ADAMTS6: variants seen among roughly 807,000 people sequenced by gnomAD.
ADAMTS6 encodes the protein A disintegrin and metalloproteinase with thrombospondin motifs 6.
Under a neutral mutation model 144.3 loss-of-function variants are expected in ADAMTS6, and 23 were observed. The ratio of observed to expected loss-of-function variants is 0.16; its 90% CI spans 0.11 to 0.23. The LOEUF (loss-of-function observed/expected upper bound fraction) is 0.23, where lower values mean the gene tolerates loss of function less well. Ranked by LOEUF, ADAMTS6 falls within the 10% of genes least tolerant of loss-of-function variation. The pLI, the probability that ADAMTS6 is intolerant of heterozygous loss-of-function variation, is 1.00. For missense variants in ADAMTS6, 999 were observed against 1,379.6 expected (o/e 0.72, Z 4.37); for synonymous variants, 444 against 457.5 (o/e 0.97, Z 0.38).
chr5:65,416,375 A>G (rs149406155), intron 7 of ADAMTS6, among the ~76,000 whole-genome samples: 108 of 152,320 alleles, frequency 7.1e-4, no homozygotes, highest in African/African-American at 2.5e-3. Flanking sequence ...TTTGGAAAAT[A>G]ATTTTTAAGT....
intron 7 of ADAMTS6, among the ~76,000 whole-genome samples, chr5:65,405,157 CCAATTGT>C (rs2150171590): frequency 6.6e-6 from 1 of 152,232 alleles, no homozygotes; most frequent in East Asian, 1.9e-4. Flanking sequence ...TAATTAGATC[CCAATTGT>C]CAATTTTGGC....
chr5:65,223,020 A>G (rs1278512906), intron 18 of ADAMTS6, among the ~76,000 whole-genome samples: 1 of 152,104 alleles, frequency 6.6e-6, no homozygotes, highest in Non-Finnish European at 1.5e-5. Context: ...AATGGGTAAA[A>G]TATTTGTGTA....
intron 11 of ADAMTS6, among the ~76,000 whole-genome samples, chr5:65,285,191 C>T (rs1031062746): frequency 2.6e-5 from 4 of 152,118 alleles, no homozygotes; most frequent in Non-Finnish European, 5.9e-5. Context: ...TGGCATCTTG[C>T]TGCTTTTAAG....
At chr5:65,256,190 AT>A (rs1760644119) in intron 14 of ADAMTS6, among the ~76,000 whole-genome samples, 1 of 152,220 alleles carries the variant, frequency 6.6e-6, no homozygotes, top group Non-Finnish European at 1.5e-5. Flanking sequence ...TAAACTTAGA[AT>A]TTCTGTTCTT....
intron 1 of ADAMTS6, among the ~76,000 whole-genome samples, chr5:65,480,042 T>C (rs1297920254): frequency 6.6e-6 from 1 of 152,180 alleles, no homozygotes; most frequent in Admixed American, 6.5e-5. Flanking sequence ...AAAACAATTA[T>C]CTCCAAAATT....
At chr5:65,221,706 C>A (rs1757334065) in intron 18 of ADAMTS6, among the ~76,000 whole-genome samples, 1 of 152,040 alleles carries the variant, frequency 6.6e-6, no homozygotes, top group South Asian at 2.1e-4. Context: ...GTAAAAGTGC[C>A]TTTGTTCGAG....
chr5:65,334,404 T>TA (rs1433060681), intron 7 of ADAMTS6, among the ~76,000 whole-genome samples: 5 of 152,232 alleles, frequency 3.3e-5, no homozygotes, highest in African/African-American at 1.2e-4. Context: ...TGCAGACTGT[T>TA]ACTACTTCTG....
Position 65,226,170 on chromosome 5 carries a change from G to C in ADAMTS6, c.1983C>G (p.Phe661Leu), listed in dbSNP as rs1298379841. Residue 661 changes from phenylalanine to leucine, a missense_variant, in exon 16 of 25, where the codon TTC becomes TTG. Transcript: ENST00000381055. ...ALNCLAEGYNFYTERAPAVID... is the reference protein window; with the variant it reads ...ALNCLAEGYNLYTERAPAVID... The stretch of plus-strand genomic sequence containing the variant: ...TCACCGCAGGAGCACGTTCAGTGTA[G>C]AAATTATAACCTTCAGCCAAGCAGT... The C allele has an allele frequency of 6.2e-7, 1 of 1,613,854 alleles. No individual in the cohort carries two copies.
chr5:65,180,870 G>A (rs982570058), intron 22 of ADAMTS6, among the ~76,000 whole-genome samples: 3 of 152,172 alleles, frequency 2.0e-5, no homozygotes, highest in African/African-American at 7.2e-5. Flanking sequence ...TGCTAGCCCA[G>A]TGTCAGGCAC....
intron 7 of ADAMTS6, among the ~76,000 whole-genome samples, chr5:65,373,829 C>A (rs1255709549): frequency 2.6e-5 from 4 of 152,044 alleles, no homozygotes; most frequent in African/African-American, 9.7e-5. Context: ...AGACCAATAT[C>A]CTTGATGAAC....
chr5:65,196,366 C>A (rs1561269124), intron 21 of ADAMTS6, among the ~76,000 whole-genome samples: 1 of 151,402 alleles, frequency 6.6e-6, no homozygotes, highest in African/African-American at 2.4e-5. Context: ...ACTAAAAATA[C>A]AAAAAATTTA....
At chr5:65,163,732 C>T (rs73103483) in intron 24 of ADAMTS6, among the ~76,000 whole-genome samples, 3,297 of 152,084 alleles carry the variant, frequency 0.022, 118 homozygotes, top group African/African-American at 0.076. Flanking sequence ...TTTAAATTTG[C>T]GGCTTCAGGT....
chr5:65,303,938 T>C (rs1448327772), intron 9 of ADAMTS6, among the ~76,000 whole-genome samples: 1 of 152,072 alleles, frequency 6.6e-6, no homozygotes, highest in East Asian at 1.9e-4. Flanking sequence ...AAAAGAAAAA[T>C]TTTGGACATC....
chr5:65,274,619 T>C (rs1189431675), intron 11 of ADAMTS6, among the ~76,000 whole-genome samples: 2 of 152,126 alleles, frequency 1.3e-5, no homozygotes, highest in Non-Finnish European at 2.9e-5. Flanking sequence ...CTCTTTGGGT[T>C]CCTCTTTAGG....
At chr5:65,196,323 T>C (rs1561269025) in intron 21 of ADAMTS6, among the ~76,000 whole-genome samples, 2 of 151,192 alleles carry the variant, frequency 1.3e-5, no homozygotes, top group South Asian at 2.1e-4. Context: ...GATCACGAGG[T>C]GATCCTGGCT....
chr5:65,172,927 C>T lies in ADAMTS6; in HGVS notation c.2992G>A (p.Ala998Thr), dbSNP rs1261951363. ...GGTTTGCTTTCCTCTGGACATTGTG[C>T]AGCTGGGAATGTCTTAGAAAGGTCA... The part of the protein sequence containing the change: ...SSDLSKTFPA[A>T]QCPEESKPPV... The change falls in exon 23 of 25, where the codon GCA (alanine) becomes ACA (threonine). Residue 998 changes from alanine to threonine, a missense_variant. Around this residue, in one of 3 missense-constraint regions of ADAMTS6, gnomAD observed 619 missense variants for 837.0 expected, o/e 0.74. Coordinates refer to ENST00000381055, the MANE Select transcript of ADAMTS6 (RefSeq NM_197941.4). 6.2e-7 allele frequency: 1 copy of T among 1,614,222 alleles called. No homozygotes were observed. Among genetic ancestry groups the T allele is most frequent in the Admixed American group, 1.7e-5 (1 of 60,032 alleles).
chr5:65,451,634 T>C lies in ADAMTS6; in HGVS notation c.928-14A>G. 1 of 1,611,678 alleles carries C rather than the reference T, an allele frequency of 6.2e-7. No homozygotes were observed. Among genetic ancestry groups the C allele is most frequent in the Non-Finnish European group, 8.5e-7 (1 of 1,179,100 alleles). On this transcript the variant is annotated splice_polypyrimidine_tract_variant and intron_variant, in intron 6 of 24. Transcript: ENST00000381055. ...CTCCAAGTTTGGCTGCAATACAACA[T>C]GCATACCAGAAATGTTCCAAACAAA...
chr5:65,398,862 A>G (rs1363197071), intron 7 of ADAMTS6, among the ~76,000 whole-genome samples: 2 of 151,318 alleles, frequency 1.3e-5, no homozygotes, highest in Non-Finnish European at 3.0e-5. Flanking sequence ...AAGAAAGAGA[A>G]AGAAAGAAAG....
In ADAMTS6 at chr5:65,291,462, C is replaced by T. The variant is rs775723628; in HGVS notation, c.1379G>A (p.Arg460His). The change falls in exon 11 of 25, where the codon CGT (arginine) becomes CAT (histidine). Residue 460 changes from arginine to histidine, a missense_variant. Arg to His is a conservative substitution (Grantham distance 29, BLOSUM62 0). Around this residue, in one of 3 missense-constraint regions of ADAMTS6, gnomAD observed 619 missense variants for 837.0 expected, o/e 0.74. Coordinates refer to ENST00000381055, the MANE Select transcript of ADAMTS6 (RefSeq NM_197941.4). ...DYITSFLDSG[R>H]GTCLDNEPPK... ...AGGCTCATTATCAAGGCAAGTACCA[C>T]GGCCTGAACTGTTCAACATAAAGGA... 9.3e-6 allele frequency: 15 copies of T among 1,610,960 alleles called. No individual in the cohort carries two copies. Among genetic ancestry groups the T allele is most frequent in the African/African-American group, 8.0e-5 (6 of 74,814 alleles).
Sources: allele counts gnomAD v4.1 joint callset (sites outside exome capture counted in the v4.1 genomes callset), GRCh38; gene constraint gnomAD v4.1.1; regional missense constraint gnomAD v4.1.1; transcripts MANE v1.5; gene names NCBI Gene and HGNC (gene_info 2026-07-23, HGNC 2026-07-21).